Variants in ABCB4 observed in about 807,000 individuals in gnomAD.
ABCB4 encodes ATP binding cassette subfamily B member 4.
ABCB4 carries 76 observed loss-of-function variants against 145.7 expected under a neutral mutation model. The ratio of observed to expected loss-of-function variants is 0.52; its 90% CI spans 0.43 to 0.63. ABCB4 has a LOEUF of 0.63. ABCB4 is among the 30% of genes least tolerant of loss of function. The pLI is 0.00. For synonymous variants in ABCB4, 517 were observed against 566.8 expected (o/e 0.91, Z 1.25); for missense variants, 1,234 against 1,553.1 (o/e 0.79, Z 3.45).
intron 26 of ABCB4, among the ~76,000 whole-genome samples, chr7:87,404,647 C>CAAAA (rs45445898): frequency 6.6e-6 from 1 of 151,582 alleles, no homozygotes; most frequent in Non-Finnish European, 1.5e-5. Flanking sequence ...AACAAACAAA[C>CAAAA]AAAAAAAACT....
the ABCB4 span, among the ~76,000 whole-genome samples, chr7:87,387,502 G>A: frequency 6.6e-6 from 1 of 151,720 alleles, no homozygotes; most frequent in Middle Eastern, 3.4e-3. Context: ...CATCATGGAG[G>A]TTAGGGGTCC....
At chr7:87,391,707 G>C in the ABCB4 span, 122,322 of 1,604,652 alleles carry the variant, frequency 0.076, 5,283 homozygotes, top group South Asian at 0.15. Flanking sequence ...GGATCCTTCT[G>C]TCAATGTGAG....
At chr7:87,452,750 A>G in intron 6 of ABCB4, 194 bp downstream of exon 6, 2 of 657,344 alleles carry the variant, frequency 3.0e-6, no homozygotes, top group Admixed American at 2.6e-5. Flanking sequence ...TAAACCTACT[A>G]TGCACCTTGG....
intron 16 of ABCB4, among the ~76,000 whole-genome samples, chr7:87,424,914 A>G (rs1809702808): frequency 6.6e-6 from 1 of 152,188 alleles, no homozygotes; most frequent in Non-Finnish European, 1.5e-5. Flanking sequence ...GACAGAGGTG[A>G]CTATGGAATC....
the ABCB4 span, among the ~76,000 whole-genome samples, chr7:87,389,768 A>G: frequency 6.6e-6 from 1 of 152,224 alleles, no homozygotes; most frequent in East Asian, 1.9e-4. Flanking sequence ...ACTTTAAAGT[A>G]TAATAAAAAA....
At chr7:87,446,141 T>A (rs1260338862) in intron 9 of ABCB4, among the ~76,000 whole-genome samples, 1 of 152,118 alleles carries the variant, frequency 6.6e-6, no homozygotes, top group African/African-American at 2.4e-5. Context: ...ACCCACAACC[T>A]CTCAATGAAG....
rs1554403476 is a variant in ABCB4 at position 87,426,919 on chromosome 7, G to A, written c.1895C>T (p.Thr632Ile). Residue 632 changes from threonine (T) to isoleucine (I), a missense_variant and splice_region_variant, in exon 16 of 28, where the codon ACA becomes ATA. Coordinates refer to ENST00000649586, the MANE Select transcript of ABCB4 (RefSeq NM_000443.4). ...GVYFKLVNMQ[T>I]SGSQIQSEEF... ...TTCTGACTGGATCTGGCTTCCTGAT[G>A]TCTGAAAGAATATCAAGACATTAAA... 6.2e-7 allele frequency: 1 copy of A among 1,611,080 alleles called. No homozygotes were observed. The highest frequency in any genetic ancestry group is 2.2e-5 in the East Asian group (1 of 44,758).
chr7:87,372,855 T>C, the ABCB4 span, among the ~76,000 whole-genome samples: 2 of 152,206 alleles, frequency 1.3e-5, no homozygotes, highest in South Asian at 2.1e-4. Flanking sequence ...TATTCATCAG[T>C]TGATGGACAT....
intron 26 of ABCB4, among the ~76,000 whole-genome samples, chr7:87,405,662 T>A (rs1218854249): frequency 6.6e-6 from 1 of 152,116 alleles, no homozygotes; most frequent in Non-Finnish European, 1.5e-5. Flanking sequence ...CCTGACCTCG[T>A]AATCCACCCA....
chr7:87,451,979 G>A (rs1417199401), intron 6 of ABCB4, among the ~76,000 whole-genome samples, 185 bp from the exon 7 acceptor site: 1 of 152,164 alleles, frequency 6.6e-6, no homozygotes, highest in Non-Finnish European at 1.5e-5. Flanking sequence ...ATTCAGGATT[G>A]ATCAATGCTT....
At chr7:87,405,158 C>CA (rs1462047505) in intron 26 of ABCB4, among the ~76,000 whole-genome samples, 1 of 152,206 alleles carries the variant, frequency 6.6e-6, no homozygotes, top group East Asian at 1.9e-4. Context: ...GTGGTACATC[C>CA]ACACTGTGGA....
intron 14 of ABCB4, among the ~76,000 whole-genome samples, chr7:87,435,464 A>C (rs1810547647): frequency 6.6e-6 from 1 of 152,226 alleles, no homozygotes; most frequent in Non-Finnish European, 1.5e-5. Flanking sequence ...TCTGGAGCCC[A>C]GGCCTCAAGG....
intron 4 of ABCB4, among the ~76,000 whole-genome samples, chr7:87,461,852 C>T (rs1239107409): frequency 2.0e-5 from 3 of 152,204 alleles, no homozygotes; most frequent in African/African-American, 4.8e-5. Context: ...AGTTCTCAGT[C>T]AGTGAACACT....
At chr7:87,429,936 G>T (rs1187971310) in intron 15 of ABCB4, among the ~76,000 whole-genome samples, 1 of 147,680 alleles carries the variant, frequency 6.8e-6, no homozygotes, top group South Asian at 2.1e-4. Flanking sequence ...AAGAAAAACA[G>T]CTTTTTAAAA....
intron 25 of ABCB4, among the ~76,000 whole-genome samples, chr7:87,407,225 A>G (rs1040290211): frequency 2.0e-5 from 3 of 152,176 alleles, no homozygotes; most frequent in Admixed American, 1.3e-4. Context: ...GCTAGTCTTG[A>G]TCTCAATAAA....
chr7:87,416,595 T>C, intron 21 of ABCB4, among the ~76,000 whole-genome samples: 1 of 151,158 alleles, frequency 6.6e-6, no homozygotes, highest in Admixed American at 6.6e-5. Context: ...ATGTGTAGAT[T>C]TAGACACTTA....
At chr7:87,420,134 C>A in intron 18 of ABCB4, 59 bp from the exon 19 acceptor site, 3 of 1,508,404 alleles carry the variant, frequency 2.0e-6, no homozygotes, top group East Asian at 2.3e-5. Context: ...TTGCACCAGA[C>A]CAATCATGTT....
At chr7:87,469,531 A>G (rs1021217616) in intron 3 of ABCB4, among the ~76,000 whole-genome samples, 1 of 152,230 alleles carries the variant, frequency 6.6e-6, no homozygotes, top group Admixed American at 6.5e-5. Context: ...AAGTCTCAGG[A>G]TACAAAATCA....
chr7:87,442,398 C>A (rs1308914356), intron 12 of ABCB4, among the ~76,000 whole-genome samples: 1 of 152,010 alleles, frequency 6.6e-6, no homozygotes, highest in Non-Finnish European at 1.5e-5. Flanking sequence ...ATTATTTTTA[C>A]TTTTTACCTT....
Sources: gnomAD v4.1 joint callset for allele counts (sites outside exome capture counted in the v4.1 genomes callset) on GRCh38, gnomAD v4.1.1 for gene constraint, MANE v1.5 for transcripts, NCBI Gene and HGNC (gene_info 2026-07-23, HGNC 2026-07-21) for gene names.